SYNPR: variants seen among roughly 807,000 people sequenced by gnomAD.
SYNPR encodes the protein synaptoporin.
SYNPR carries 23 observed loss-of-function variants against 32.9 expected under a neutral mutation model. That is an observed-to-expected ratio of 0.70 (90% confidence interval 0.50 to 0.99). The LOEUF is 0.99. Ranked by LOEUF, SYNPR falls within the 50% of genes least tolerant of loss-of-function variation. SYNPR has a pLI of 0.00. For synonymous variants in SYNPR, 146 were observed against 135.9 expected (o/e 1.07, Z -0.52); for missense variants, 318 against 349.3 (o/e 0.91, Z 0.71).
intron 3 of SYNPR, among the ~76,000 whole-genome samples, chr3:63,510,543 T>A (rs947416634): frequency 6.6e-6 from 1 of 152,166 alleles, no homozygotes; most frequent in Non-Finnish European, 1.5e-5. Flanking sequence ...AGAGGGTTCC[T>A]AAATCATGCA....
intron 2 of SYNPR, among the ~76,000 whole-genome samples, chr3:63,262,838 G>A (rs901558739): frequency 1.6e-4 from 24 of 152,320 alleles, no homozygotes; most frequent in Middle Eastern, 3.4e-3. Flanking sequence ...AACTCCAATG[G>A]TAACACTTAT....
chr3:63,275,643 GAT>G (rs2086568459), upstream of SYNPR, among the ~76,000 whole-genome samples: 1 of 152,186 alleles, frequency 6.6e-6, no homozygotes, highest in Admixed American at 6.5e-5. Flanking sequence ...TGTATAAAGA[GAT>G]ATAAATATGT....
At chr3:63,395,132 T>G (rs981921062) in intron 2 of SYNPR, among the ~76,000 whole-genome samples, 1 of 152,112 alleles carries the variant, frequency 6.6e-6, no homozygotes, top group African/African-American at 2.4e-5. Context: ...AAAAAAAAAC[T>G]TACCAGTTGC....
intron 1 of SYNPR, among the ~76,000 whole-genome samples, chr3:63,237,363 G>T (rs2086207691): frequency 6.6e-6 from 1 of 151,862 alleles, no homozygotes; most frequent in Non-Finnish European, 1.5e-5. Context: ...TGTTGTTCGT[G>T]TGTTTGTATT....
chr3:63,252,103 T>C (rs181638996), intron 1 of SYNPR, among the ~76,000 whole-genome samples: 44 of 152,132 alleles, frequency 2.9e-4, no homozygotes, highest in African/African-American at 1.0e-3. Context: ...ATAAAAGATC[T>C]GCAAGATAAA....
chr3:63,207,684 ACT>A, the SYNPR span, among the ~76,000 whole-genome samples: 1 of 152,066 alleles, frequency 6.6e-6, no homozygotes, highest in Admixed American at 6.6e-5. Context: ...AGAAAGGAAA[ACT>A]CTGAGATACT....
At chr3:63,205,907 A>G in the SYNPR span, among the ~76,000 whole-genome samples, 3 of 152,258 alleles carry the variant, frequency 2.0e-5, no homozygotes, top group African/African-American at 7.2e-5. Flanking sequence ...TGTTAAATAC[A>G]GCGGTGAAAA....
rs532681452 is a variant in SYNPR at position 63,564,909 on chromosome 3, C to T, written c.408+8168C>T. 7.2e-5 allele frequency among the ~76,000 whole-genome samples: 11 copies of T among 152,222 alleles called. No individual in the cohort carries two copies. The South Asian group carries it at 2.3e-3, about 32-fold the overall frequency. ...AAAGAATTCATGCTTCTTCCAGAGC[C>T]CACAGCTTTTCTTGTCCTTTGCTGG... On this transcript the variant is annotated intron_variant, in intron 4 of 5. Coordinates refer to ENST00000478300, the MANE Select transcript of SYNPR (RefSeq NM_001130003.2).
At chr3:63,210,771 T>G in the SYNPR span, among the ~76,000 whole-genome samples, 3 of 150,036 alleles carry the variant, frequency 2.0e-5, no homozygotes, top group African/African-American at 7.3e-5. Context: ...TTTTTCTCCC[T>G]CCCTCCCATC....
At chr3:63,478,104 G>A (rs1310827872) in intron 2 of SYNPR, among the ~76,000 whole-genome samples, 3 of 152,108 alleles carry the variant, frequency 2.0e-5, no homozygotes, top group African/African-American at 7.2e-5. Context: ...GTTTTCAGAG[G>A]TCAAGAGAAG....
intron 2 of SYNPR, among the ~76,000 whole-genome samples, chr3:63,406,562 T>C (rs1305256277): frequency 6.6e-6 from 1 of 152,084 alleles, no homozygotes; most frequent in African/African-American, 2.4e-5. Flanking sequence ...CTGACTCTGA[T>C]TCTCTCTCCG....
At chr3:63,483,396 A>G (rs1701084574) in intron 3 of SYNPR, among the ~76,000 whole-genome samples, 1 of 152,124 alleles carries the variant, frequency 6.6e-6, no homozygotes, top group Admixed American at 6.5e-5. Context: ...GCACAATATA[A>G]TTTTAAATTT....
chr3:63,446,431 C>T (rs760607178), intron 2 of SYNPR, among the ~76,000 whole-genome samples: 17 of 152,124 alleles, frequency 1.1e-4, no homozygotes, highest in Admixed American at 2.0e-4. Context: ...GTGACAAAGA[C>T]GAAATTCAGA....
intron 2 of SYNPR, among the ~76,000 whole-genome samples, chr3:63,476,181 AGGGAAGGGAGGGAAGCAAG>A (rs1700908091): frequency 2.4e-5 from 1 of 41,768 alleles, no homozygotes; most frequent in African/African-American, 9.8e-5. Context: ...GAGGGAAGGA[AGGGAAGGGAGGGAAGCAAG>A]GGAAGGAAGG....
chr3:63,488,497 T>C (rs1178125705), intron 3 of SYNPR, among the ~76,000 whole-genome samples: 2 of 152,158 alleles, frequency 1.3e-5, no homozygotes, highest in Non-Finnish European at 2.9e-5. Flanking sequence ...ACCCCCTAAC[T>C]GGTAGTGAAT....
At chr3:63,421,615 C>T (rs1486309382) in intron 2 of SYNPR, among the ~76,000 whole-genome samples, 2 of 152,136 alleles carry the variant, frequency 1.3e-5, no homozygotes, top group African/African-American at 4.8e-5. Context: ...TATTAAATTA[C>T]CTTGAGCTTA....
At chr3:63,557,203 A>G (rs563393759) in intron 4 of SYNPR, among the ~76,000 whole-genome samples, 3 of 152,306 alleles carry the variant, frequency 2.0e-5, no homozygotes, top group Non-Finnish European at 4.4e-5. Context: ...AAGGACTCAT[A>G]TGAGTGAAAT....
intron 4 of SYNPR, among the ~76,000 whole-genome samples, chr3:63,570,594 CT>C (rs1284073379): frequency 6.6e-6 from 1 of 152,158 alleles, no homozygotes; most frequent in East Asian, 1.9e-4. Flanking sequence ...CAAAATTCAA[CT>C]CATCTTCAAA....
At chr3:63,347,397 A>C (rs1916627) in intron 2 of SYNPR, among the ~76,000 whole-genome samples, 31,186 of 152,124 alleles carry the variant, frequency 0.21, 3,670 homozygotes, top group South Asian at 0.38. Flanking sequence ...GGTTTATAAA[A>C]ACCTGTTTAT....
Sources: gnomAD v4.1 joint callset for allele counts (sites outside exome capture counted in the v4.1 genomes callset) on GRCh38, gnomAD v4.1.1 for gene constraint, MANE v1.5 for transcripts, NCBI Gene and HGNC (gene_info 2026-07-23, HGNC 2026-07-21) for gene names.